The following CCDC40 variants were observed in gnomAD, a reference collection of about 807,000 sequenced individuals.
CCDC40 encodes coiled-coil domain-containing protein 40.
In CCDC40, 104 loss-of-function variants were observed where a neutral mutation model predicts 124.5. That is an observed-to-expected ratio of 0.84 (90% confidence interval 0.71 to 0.98). The LOEUF is 0.98. Among genes scored for constraint, CCDC40 ranks in the 50% least tolerant of loss-of-function variants. The probability of loss-of-function intolerance (pLI) is 0.00; values close to 1 mark genes in which losing one functional copy is unlikely to be tolerated. For missense variants in CCDC40, 1,463 were observed against 1,503.9 expected, an observed-to-expected ratio of 0.97 and a Z score of 0.45; for synonymous variants, 580 against 602.9, an observed-to-expected ratio of 0.96 and a Z score of 0.56.
At chr17:80,048,913 C>A in intron 5 of CCDC40, 152 bp downstream of exon 5, 1 of 782,590 alleles carries the variant, frequency 1.3e-6, no homozygotes. Flanking sequence ...ACTGATTGAC[C>A]TGCCTCTTCG....
At chr17:80,055,999 TATATATATA>T (rs1485853373) in intron 7 of CCDC40, among the ~76,000 whole-genome samples, 684 of 14,982 alleles carry the variant, frequency 0.046, 90 homozygotes, top group African/African-American at 0.092. Flanking sequence ...TATATATATA[TATATATATA>T]TATATATATT....
At position 80,039,919 on chromosome 17, in the gene CCDC40, G is replaced by A. The variant is rs761558758; in HGVS notation, c.201G>A (p.Gly67=). Residue 67 remains glycine, a synonymous_variant, in exon 3 of 20, where the codon GGG becomes GGA. Coordinates refer to ENST00000397545, the MANE Select transcript of CCDC40 (RefSeq NM_017950.4). Reference sequence around the variant, plus strand: ...AAGCGGAAGCTGCAATTGAAGAGGGGGAGGTGGAGACAGAAGGGGAAGCAG... The same window carrying A: ...AAGCGGAAGCTGCAATTGAAGAGGGAGAGGTGGAGACAGAAGGGGAAGCAG... ...TTQAEAAIEE[G]EVETEGEAAV... 1 of 1,613,408 alleles carries A rather than the reference G, an allele frequency of 6.2e-7. No homozygotes were observed. Among genetic ancestry groups the A allele is most frequent in the Admixed American group, 1.7e-5 (1 of 59,984 alleles).
rs2038200910 is a variant in CCDC40 at position 80,071,960 on chromosome 17, T to C, written c.1562+6354T>C. ...CAAGTGATTCTCCTGCCTCAGCCTC[T>C]CAGGTAGCTGGGATTACAGACATGC... On this transcript the variant is annotated intron_variant, in intron 10 of 19. Coordinates refer to ENST00000397545, the MANE Select transcript of CCDC40 (RefSeq NM_017950.4). 2.0e-5 allele frequency among the ~76,000 whole-genome samples: 3 copies of C among 148,770 alleles called. No individual in the cohort carries two copies. The South Asian group carries it at 6.6e-4, about 33-fold the overall frequency.
chr17:80,056,008 A>ATTT (rs1242487948), intron 7 of CCDC40, among the ~76,000 whole-genome samples: 39 of 12,274 alleles, frequency 3.2e-3, no homozygotes, highest in Admixed American at 6.5e-3. Context: ...ATATATATAT[A>ATTT]TATATATATT....
intron 17 of CCDC40, chr17:80,090,695 T>G: frequency 7.0e-7 from 1 of 1,424,184 alleles, no homozygotes; most frequent in South Asian, 1.5e-5. Flanking sequence ...CAATTAGATT[T>G]CATTGCCTTT....
chr17:80,055,518 T>C (rs1371523403), intron 7 of CCDC40, among the ~76,000 whole-genome samples: 1 of 151,822 alleles, frequency 6.6e-6, no homozygotes, highest in African/African-American at 2.4e-5. Flanking sequence ...TTATGAAAGG[T>C]CATAAAACAG....
At chr17:80,063,402 A>G (rs908195073) in intron 9 of CCDC40, among the ~76,000 whole-genome samples, 5 of 152,154 alleles carry the variant, frequency 3.3e-5, no homozygotes, top group African/African-American at 1.2e-4. Flanking sequence ...TGCACAGGTG[A>G]CTGAGCCCGG....
intron 1 of CCDC40, among the ~76,000 whole-genome samples, chr17:80,037,186 C>T (rs1424173153): frequency 6.6e-6 from 1 of 152,160 alleles, no homozygotes. Flanking sequence ...TTGGGGGTGA[C>T]CCGCGATGGG....
Position 80,048,664 on chromosome 17 carries a change from C to T in CCDC40, c.758C>T (p.Thr253Ile). 6.2e-7 allele frequency: 1 copy of T among 1,614,052 alleles called. No homozygotes were observed. Among genetic ancestry groups the T allele is most frequent in the Non-Finnish European group, 8.5e-7 (1 of 1,180,010 alleles). The change falls in exon 5 of 20, where the codon ACC becomes ATC. Residue 253 changes from threonine (T) to isoleucine (I), a missense_variant. Transcript: ENST00000397545. ...VFQDQIQQPS[T>I]EEGAMAERVE... is the part of the protein sequence containing the mutation. The stretch of plus-strand genomic sequence containing the variant: ...CAGGACCAGATCCAGCAGCCCAGCA[C>T]CGAGGAGGGGGCCATGGCAGAGAGA...
intron 12 of CCDC40, among the ~76,000 whole-genome samples, chr17:80,082,278 C>A (rs1230317375): frequency 2.0e-3 from 11 of 5,622 alleles, no homozygotes; most frequent in Admixed American, 0.012. Context: ...CAGCTGCCAG[C>A]CAAAGGCTGA....
intron 10 of CCDC40, among the ~76,000 whole-genome samples, 199 bp downstream of exon 10, chr17:80,065,805 TGCGGC>T (rs901325433): frequency 1.3e-5 from 2 of 152,240 alleles, no homozygotes; most frequent in African/African-American, 4.8e-5. Flanking sequence ...TTTCCAACAC[TGCGGC>T]GCTGGGAGGG....
chr17:80,055,844 G>A (rs553004232), intron 7 of CCDC40, among the ~76,000 whole-genome samples: 3 of 150,628 alleles, frequency 2.0e-5, no homozygotes, highest in East Asian at 3.9e-4. Flanking sequence ...TCGAGACAGC[G>A]AGACGCATCT....
At chr17:80,069,777 AAAGAG>A (rs1180513341) in intron 10 of CCDC40, among the ~76,000 whole-genome samples, 1 of 151,898 alleles carries the variant, frequency 6.6e-6, no homozygotes, top group African/African-American at 2.4e-5. Flanking sequence ...AAAAGAAAAA[AAAGAG>A]AGAGAGAGAG....
At position 80,036,711 on chromosome 17, in the gene CCDC40, A is replaced by G; in HGVS notation, c.29+20A>G. On this transcript the variant is annotated intron_variant, in intron 1 of 19. Coordinates refer to ENST00000397545, the MANE Select transcript of CCDC40 (RefSeq NM_017950.4). ...GGGCCGGTAAGCCGGGCCGAGGGGC[A>G]GCGGGTCTTGGAGTCGCCAGGCCGC... The G allele has an allele frequency of 6.8e-7, 1 of 1,463,962 alleles. No individual in the cohort carries two copies. Among genetic ancestry groups the G allele is most frequent in the Non-Finnish European group, 9.0e-7 (1 of 1,108,728 alleles). 90.7% of individuals were successfully genotyped at this position (1,463,962 alleles called of 1,614,324 possible).
intron 10 of CCDC40, among the ~76,000 whole-genome samples, chr17:80,069,534 A>T (rs2038136065): frequency 6.6e-6 from 1 of 152,168 alleles, no homozygotes; most frequent in South Asian, 2.1e-4. Flanking sequence ...TCACGAGCTC[A>T]GGAGCTGGAG....
chr17:80,082,803 G>A (rs2143738567), intron 12 of CCDC40, among the ~76,000 whole-genome samples: 1 of 152,354 alleles, frequency 6.6e-6, no homozygotes, highest in African/African-American at 2.4e-5. Flanking sequence ...TGGGCAGCCC[G>A]ATAGGTCATA....
At chr17:80,054,027 A>G (rs1157094316) in intron 7 of CCDC40, among the ~76,000 whole-genome samples, 1 of 152,262 alleles carries the variant, frequency 6.6e-6, no homozygotes, top group East Asian at 1.9e-4. Context: ...AAGCCTGAAA[A>G]CAGACATTCT....
At chr17:80,051,789 C>T (rs868391781) in intron 7 of CCDC40, among the ~76,000 whole-genome samples, 5 of 152,362 alleles carry the variant, frequency 3.3e-5, no homozygotes, top group South Asian at 2.1e-4. Flanking sequence ...AAGGAGGACG[C>T]GTGCCCCTAA....
intron 17 of CCDC40, 53 bp from the exon 18 acceptor site, chr17:80,095,210 G>A (rs2038785792): frequency 6.4e-7 from 1 of 1,567,848 alleles, no homozygotes; most frequent in African/African-American, 1.4e-5. Flanking sequence ...CACTCTCTCT[G>A]CAGCTGCAGC....
Sources: gnomAD v4.1 joint callset for allele counts (sites outside exome capture counted in the v4.1 genomes callset) on GRCh38, gnomAD v4.1.1 for gene constraint, MANE v1.5 for transcripts, NCBI Gene and HGNC (gene_info 2026-07-23, HGNC 2026-07-21) for gene names.